The following DPEP3 variants were observed in gnomAD, a reference collection of about 807,000 sequenced individuals.
DPEP3 encodes membrane-bound dipeptidase 3.
A neutral mutation model predicts 47.5 loss-of-function variants in DPEP3; 42 were observed. That is an observed-to-expected ratio of 0.88 (90% CI 0.69 to 1.14). DPEP3 has a LOEUF of 1.14. DPEP3 is among the 50% of genes most tolerant of loss of function. DPEP3 has a pLI of 0.00. For missense variants in DPEP3, 560 were observed against 635.0 expected, an observed-to-expected ratio of 0.88 and a Z score of 1.27; for synonymous variants, 276 against 270.2, an observed-to-expected ratio of 1.02 and a Z score of -0.21.
intron 9 of DPEP3, 25 bp downstream of exon 9, chr16:67,976,068 C>A: frequency 1.2e-6 from 2 of 1,614,036 alleles, no homozygotes; most frequent in Non-Finnish European, 1.7e-6. Flanking sequence ...ACCACTGAAC[C>A]ATCCTGTCCA....
At chr16:67,979,259 T>C (rs1452854987) in intron 2 of DPEP3, among the ~76,000 whole-genome samples, 2 of 152,104 alleles carry the variant, frequency 1.3e-5, no homozygotes, top group Non-Finnish European at 2.9e-5. Flanking sequence ...TGAACCGAGA[T>C]CGTGCCACTG....
chr16:67,979,686 C>G lies in DPEP3; in HGVS notation c.367G>C (p.Gly123Arg). Residue 123 changes from glycine to arginine, a missense_variant, in exon 2 of 10, where the codon GGT becomes CGT. By Grantham distance (125) the Gly-to-Arg change is moderately radical (BLOSUM62 -2). Coordinates refer to ENST00000268793, the MANE Select transcript of DPEP3 (RefSeq NM_001370198.1). ...QDVNLRNFSHGQTSLDRLRDG... is the reference protein window; with the variant it reads ...QDVNLRNFSHRQTSLDRLRDG... The stretch of plus-strand genomic sequence containing the variant: ...CTAAGCCTGTCCAGGCTGGTCTGAC[C>G]ATGGCTGAAATTTCGCAGGTTAACA... 6.2e-7 allele frequency: 1 copy of G among 1,614,186 alleles called. No homozygotes were observed. The highest frequency in any genetic ancestry group is 8.5e-7 in the Non-Finnish European group (1 of 1,180,010).
intron 7 of DPEP3, among the ~76,000 whole-genome samples, chr16:67,977,029 C>T (rs2031211023): frequency 6.6e-6 from 1 of 152,144 alleles, no homozygotes; most frequent in Non-Finnish European, 1.5e-5. Flanking sequence ...CTGTCCTGCC[C>T]AGAGATGTGG....
rs779108050 is a variant in DPEP3 at position 67,978,665 on chromosome 16, G to A, written c.415-39C>T. 49 of 1,609,066 alleles carry A rather than the reference G, an allele frequency of 3.0e-5. No individual in the cohort carries two copies. The East Asian group carries it at 5.8e-4, about 19-fold the overall frequency. ...AAGGGGTCCAGAATGAGGCCAGGGC[G>A]GTCTTCAACCCCCTAGGCCTGCCAC... is the stretch of plus-strand genomic sequence containing the variant. On this transcript the variant is annotated intron_variant, in intron 2 of 9. Coordinates refer to ENST00000268793, the MANE Select transcript of DPEP3 (RefSeq NM_001370198.1). The surrounding 1 kb of genome is among the most constrained non-coding windows in gnomAD (Gnocchi z 4.4).
chr16:67,977,122 G>T (rs2031212645), intron 7 of DPEP3, 148 bp downstream of exon 7: 12 of 680,452 alleles, frequency 1.8e-5, no homozygotes, highest in Non-Finnish European at 2.3e-5. Flanking sequence ...CCAGATCTGG[G>T]TGGCACTGAA....
intron 8 of DPEP3, 83 bp from the exon 9 acceptor site, chr16:67,976,311 CAG>C (rs2031195497): frequency 6.4e-7 from 1 of 1,561,554 alleles, no homozygotes; most frequent in East Asian, 2.3e-5. Flanking sequence ...CCTAGTCACA[CAG>C]GGGAAACTGA....
intron 7 of DPEP3, among the ~76,000 whole-genome samples, 172 bp from the exon 8 acceptor site, chr16:67,976,947 C>A (rs1481592471): frequency 6.6e-6 from 1 of 152,202 alleles, no homozygotes; most frequent in East Asian, 1.9e-4. Flanking sequence ...CTTGGAGCCA[C>A]CCCTTTGGGA....
At position 67,978,733 on chromosome 16, in the gene DPEP3, C is replaced by T. The variant is rs2031257513; in HGVS notation, c.415-107G>A. 7.5e-7 allele frequency: 1 copy of T among 1,325,464 alleles called. No individual in the cohort carries two copies. The highest frequency in any genetic ancestry group is 2.1e-5 in the Admixed American group (1 of 47,876). 82.1% of individuals were successfully genotyped at this position (1,325,464 alleles called of 1,614,324 possible). A position where few individuals can be genotyped will look rare whatever the true frequency, so the allele number is the denominator to read the frequency against. On this transcript the variant is annotated intron_variant, in intron 2 of 9. Transcript: ENST00000268793. The surrounding 1 kb of genome is among the most constrained non-coding windows in gnomAD (Gnocchi z 4.4). Reference sequence around the variant, plus strand: ...TAACACCCATTTGGGTCAGTGGCCCCAAGTGAGGCACTACATGACTCCATG... The same window carrying T: ...TAACACCCATTTGGGTCAGTGGCCCTAAGTGAGGCACTACATGACTCCATG...
Position 67,980,365 on chromosome 16 carries a change from G to A in DPEP3, c.16C>T (p.Arg6Cys), listed in dbSNP as rs766402220. Reference sequence around the variant, plus strand: ...CGGCTGAGCGCGCGGGAACCCTCGCGGCCCGTGGGCTGCATGTTGCGCGGG... The same window carrying A: ...CGGCTGAGCGCGCGGGAACCCTCGCAGCCCGTGGGCTGCATGTTGCGCGGG... The part of the protein sequence containing the change: MQPTG[R>C]EGSRALSRRY... The change falls in exon 1 of 10, where the codon CGC (arginine) becomes TGC (cysteine). Residue 6 changes from arginine (R) to cysteine (C), a missense_variant. Transcript: ENST00000268793. 16 of 1,540,100 alleles carry A rather than the reference G, an allele frequency of 1.0e-5. No homozygotes were observed. Among genetic ancestry groups the A allele is most frequent in the Admixed American group, 8.1e-5 (4 of 49,462 alleles).
chr16:67,975,807 CACAAGGCCTGGA>C lies in DPEP3; in HGVS notation c.1413_1424del (p.Pro472_Val475del). On this transcript the variant is annotated inframe_deletion, in exon 10 of 10. Coordinates refer to ENST00000268793, the MANE Select transcript of DPEP3 (RefSeq NM_001370198.1). ...TGAAGGTTGGGATGGTGGCAGCAGC[CACAAGGCCTGGA>C]ACAAGGTATGGGGAGGCATTTGAGG... 6.2e-7 allele frequency: 1 copy of C among 1,613,880 alleles called. No homozygotes were observed. The highest frequency in any genetic ancestry group is 2.2e-5 in the East Asian group (1 of 44,886).
intron 8 of DPEP3, 137 bp downstream of exon 8, chr16:67,976,563 G>C: frequency 2.5e-6 from 2 of 803,896 alleles, no homozygotes; most frequent in Non-Finnish European, 4.0e-6. Flanking sequence ...CAGGCCCTGA[G>C]AGTGGGGAGT....
intron 1 of DPEP3, 145 bp downstream of exon 1, chr16:67,979,949 C>T: frequency 7.3e-7 from 1 of 1,368,974 alleles, no homozygotes; most frequent in Non-Finnish European, 9.9e-7. Context: ...CGGGGAAGGG[C>T]ACCCATGGGT....
rs757903878 is a variant in DPEP3 at position 67,975,924 on chromosome 16, G to T, written c.1308C>A (p.Ser436=). Reference sequence around the variant, plus strand: ...GGTGTCCATTCTGAGGCACGAGGTGGGAGTGGCAGGATGTGCTCAGTTGCC... The same window carrying T: ...GGTGTCCATTCTGAGGCACGAGGTGTGAGTGGCAGGATGTGCTCAGTTGCC... ...PYGQLSTSCH[S]HLVPQNGHQA... The change falls in exon 10 of 10, where the codon TCC becomes TCA. Residue 436 remains serine, a synonymous_variant. Transcript: ENST00000268793. 6.2e-7 allele frequency: 1 copy of T among 1,613,930 alleles called. No individual in the cohort carries two copies. The highest frequency in any genetic ancestry group is 8.5e-7 in the Non-Finnish European group (1 of 1,179,854).
intron 9 of DPEP3, 44 bp from the exon 10 acceptor site, chr16:67,976,045 C>G: frequency 2.5e-6 from 4 of 1,613,814 alleles, no homozygotes; most frequent in Non-Finnish European, 3.4e-6. Context: ...CAGCAATCCC[C>G]TCCCCTTCTC....
At position 67,975,689 on chromosome 16, in the gene DPEP3, C is replaced by A; in HGVS notation, c.*76G>T. The A allele has an allele frequency of 1.5e-6, 2 of 1,354,850 alleles. No homozygotes were observed. The highest frequency in any genetic ancestry group is 1.3e-5 in the South Asian group (1 of 76,344). The allele number at this position is 1,354,850 out of a possible 1,614,324, so 83.9% of individuals were successfully genotyped here. A position where few individuals can be genotyped will look rare whatever the true frequency, so the allele number is the denominator to read the frequency against. Reference sequence around the variant, plus strand: ...CCATGTGTAACATGTTTATTCTCAGCATATGCTTGTGAATGAACTAGGAGA... The same window carrying A: ...CCATGTGTAACATGTTTATTCTCAGAATATGCTTGTGAATGAACTAGGAGA... On this transcript the variant is annotated 3_prime_UTR_variant, in exon 10 of 10. Coordinates refer to ENST00000268793, the MANE Select transcript of DPEP3 (RefSeq NM_001370198.1).
chr16:67,977,910 GGT>G, intron 5 of DPEP3, 26 bp downstream of exon 5: 8 of 1,613,946 alleles, frequency 5.0e-6, no homozygotes, highest in Non-Finnish European at 6.8e-6. Context: ...GCAGCAGGTG[GGT>G]TGGGGTACAA....
intron 8 of DPEP3, 42 bp downstream of exon 8, chr16:67,976,658 T>A (rs775865988): frequency 6.3e-6 from 10 of 1,593,518 alleles, no homozygotes. Flanking sequence ...AAGGACTCCC[T>A]GCTGCACCCC....
intron 1 of DPEP3, 45 bp from the exon 2 acceptor site, chr16:67,979,810 C>G (rs753163516): frequency 6.2e-7 from 1 of 1,607,500 alleles, no homozygotes; most frequent in South Asian, 1.1e-5. Flanking sequence ...CCAGATCAGT[C>G]AGGATATATC....
In DPEP3 at chr16:67,975,698, G is replaced by A; in HGVS notation, c.*67C>T. 7.1e-7 allele frequency: 1 copy of A among 1,417,918 alleles called. No homozygotes were observed. Among genetic ancestry groups the A allele is most frequent in the South Asian group, 1.2e-5 (1 of 80,096 alleles). 87.8% of individuals were successfully genotyped at this position (1,417,918 alleles called of 1,614,324 possible). A position where few individuals can be genotyped will look rare whatever the true frequency, so the allele number is the denominator to read the frequency against. ...ACATGTTTATTCTCAGCATATGCTT[G>A]TGAATGAACTAGGAGAGGGGGCTTT... On this transcript the variant is annotated 3_prime_UTR_variant, in exon 10 of 10. Transcript: ENST00000268793.
Sources: gnomAD v4.1 joint callset for allele counts (sites outside exome capture counted in the v4.1 genomes callset) on GRCh38, gnomAD v4.1.1 for gene constraint, Gnocchi (gnomAD v3.1) non-coding constraint, MANE v1.5 for transcripts, NCBI Gene and HGNC (gene_info 2026-07-23, HGNC 2026-07-21) for gene names.